The following CEP85L variants were observed in gnomAD, a reference collection of about 807,000 sequenced individuals.
CEP85L encodes the protein centrosomal protein of 85 kDa-like.
In CEP85L, 60 loss-of-function variants were observed where a neutral mutation model predicts 100.3. The observed-to-expected ratio is 0.60, with a 90% CI of 0.49 to 0.74. The LOEUF (loss-of-function observed/expected upper bound fraction) is 0.74, where lower values mean the gene tolerates loss of function less well. Ranked by LOEUF, CEP85L falls within the 30% of genes least tolerant of loss-of-function variation. CEP85L has a pLI of 0.00. For synonymous variants in CEP85L, 319 were observed against 322.7 expected, an observed-to-expected ratio of 0.99 and a Z score of 0.12; for missense variants, 973 against 936.2, an observed-to-expected ratio of 1.04 and a Z score of -0.51.
intron 6 of CEP85L, among the ~76,000 whole-genome samples, chr6:118,486,681 T>TA (rs1314869492): frequency 6.6e-6 from 1 of 152,152 alleles, no homozygotes. Context: ...CCTCTACATC[T>TA]ATCCCCTCTC....
chr6:118,630,113 G>T (rs72956995), intron 2 of CEP85L, among the ~76,000 whole-genome samples: 4,642 of 152,192 alleles, frequency 0.031, 110 homozygotes, highest in Non-Finnish European at 0.045. Flanking sequence ...TAACTACAAT[G>T]CATTTAAATA....
chr6:118,642,540 G>A (rs1392623903), intron 1 of CEP85L, among the ~76,000 whole-genome samples: 1 of 152,164 alleles, frequency 6.6e-6, no homozygotes, highest in Non-Finnish European at 1.5e-5. Flanking sequence ...AAGGTTAGCA[G>A]CATCAAGTAA....
At chr6:118,674,657 A>G (rs1776424297) in intron 1 of CEP85L, among the ~76,000 whole-genome samples, 1 of 152,244 alleles carries the variant, frequency 6.6e-6, no homozygotes, top group Non-Finnish European at 1.5e-5. Flanking sequence ...AGCTATCTGA[A>G]TAGACATTGC....
chr6:118,573,618 T>G (rs377438373), intron 2 of CEP85L, among the ~76,000 whole-genome samples: 2 of 152,178 alleles, frequency 1.3e-5, no homozygotes, highest in East Asian at 3.9e-4. Context: ...CAGGGGTGAC[T>G]GGTATTCCAA....
chr6:118,506,950 T>C (rs1775694975), intron 5 of CEP85L, among the ~76,000 whole-genome samples: 2 of 152,186 alleles, frequency 1.3e-5, no homozygotes, highest in African/African-American at 4.8e-5. Flanking sequence ...TCTAAAATGC[T>C]GCTGTTTCCT....
intron 2 of CEP85L, among the ~76,000 whole-genome samples, chr6:118,577,040 G>T (rs1186118067): frequency 6.6e-6 from 1 of 152,170 alleles, no homozygotes; most frequent in Non-Finnish European, 1.5e-5. Context: ...GGGGCAGTAA[G>T]GCATGTCAAA....
intron 1 of CEP85L, among the ~76,000 whole-genome samples, chr6:118,681,792 C>G (rs1044324590): frequency 6.7e-6 from 1 of 149,422 alleles, no homozygotes; most frequent in South Asian, 2.1e-4. Context: ...CTCTGTTGCC[C>G]AGGCTGGAGT....
chr6:118,604,507 A>T (rs1772043607), intron 2 of CEP85L, among the ~76,000 whole-genome samples: 1 of 152,244 alleles, frequency 6.6e-6, no homozygotes, highest in Non-Finnish European at 1.5e-5. Flanking sequence ...TTTTACCAAA[A>T]GTACATTTTA....
chr6:118,467,023 A>G (rs1036452370), intron 12 of CEP85L, among the ~76,000 whole-genome samples: 2 of 152,028 alleles, frequency 1.3e-5, no homozygotes, highest in African/African-American at 4.8e-5. Context: ...CAGAGTGGAG[A>G]ATAAATTCTG....
At chr6:118,501,820 GA>G in intron 5 of CEP85L, 7 of 1,278,190 alleles carry the variant, frequency 5.5e-6, no homozygotes, top group Non-Finnish European at 7.9e-6. Context: ...GAGAGAGAGA[GA>G]GAGAGAGAGA....
chr6:118,589,639 C>T (rs556453926), intron 2 of CEP85L: 38 of 276,536 alleles, frequency 1.4e-4, no homozygotes, highest in South Asian at 1.3e-3. Flanking sequence ...TGACAAATAA[C>T]TCCCCTCAGG....
chr6:118,614,842 T>C (rs1442684768), intron 2 of CEP85L, among the ~76,000 whole-genome samples: 1 of 135,888 alleles, frequency 7.4e-6, no homozygotes, highest in Non-Finnish European at 1.7e-5. Flanking sequence ...ACTCCATCAT[T>C]CATTCATAGA....
chr6:118,636,706 T>C (rs1246181632), intron 1 of CEP85L, among the ~76,000 whole-genome samples: 1 of 152,172 alleles, frequency 6.6e-6, no homozygotes, highest in Non-Finnish European at 1.5e-5. Context: ...GAATTCTTCC[T>C]GCCTGATCCC....
At chr6:118,632,379 A>G in intron 2 of CEP85L, 74 bp downstream of exon 2, 2 of 1,118,952 alleles carry the variant, frequency 1.8e-6, no homozygotes. Context: ...ACAATAAAAC[A>G]TATCCCCTGA....
chr6:118,522,115 C>G (rs1776704434), intron 4 of CEP85L, among the ~76,000 whole-genome samples: 1 of 152,052 alleles, frequency 6.6e-6, no homozygotes, highest in Admixed American at 6.6e-5. Context: ...AATCCCAGCA[C>G]TTGGGGAGGC....
At chr6:118,466,013 T>TCACA (rs148037771) in intron 12 of CEP85L, among the ~76,000 whole-genome samples, 1 of 151,356 alleles carries the variant, frequency 6.6e-6, no homozygotes, top group African/African-American at 2.4e-5. Flanking sequence ...ATAGTAAGTG[T>TCACA]CACACACACA....
At chr6:118,583,471 C>T (rs1780687632) in intron 2 of CEP85L, among the ~76,000 whole-genome samples, 2 of 152,102 alleles carry the variant, frequency 1.3e-5, no homozygotes, top group Admixed American at 1.3e-4. Flanking sequence ...CCTGAAAGTC[C>T]CACTCCTTTA....
intron 2 of CEP85L, among the ~76,000 whole-genome samples, chr6:118,615,415 A>T (rs1772963805): frequency 7.2e-6 from 1 of 138,882 alleles, no homozygotes; most frequent in Non-Finnish European, 1.6e-5. Flanking sequence ...TACACATAAT[A>T]ACTCTACCCA....
intron 2 of CEP85L, among the ~76,000 whole-genome samples, chr6:118,571,280 C>T (rs1188704332): frequency 6.6e-6 from 1 of 152,116 alleles, no homozygotes; most frequent in Non-Finnish European, 1.5e-5. Flanking sequence ...ACTATCTATC[C>T]CACATCTAAG....
Sources: gnomAD v4.1 joint callset for allele counts (sites outside exome capture counted in the v4.1 genomes callset) on GRCh38, gnomAD v4.1.1 for gene constraint, MANE v1.5 for transcripts, NCBI Gene and HGNC (gene_info 2026-07-23, HGNC 2026-07-21) for gene names.